Variants in ARHGAP35 observed in about 807,000 individuals in gnomAD.
ARHGAP35 encodes rho GTPase-activating protein 35.
In ARHGAP35, 15 loss-of-function variants were observed where a neutral mutation model predicts 111.1. That is an observed-to-expected ratio of 0.13 (90% CI 0.09 to 0.21). The LOEUF (loss-of-function observed/expected upper bound fraction) is 0.21, where lower values mean the gene tolerates loss of function less well. ARHGAP35 is among the 10% of genes least tolerant of loss of function. ARHGAP35 has a pLI of 1.00. For missense variants in ARHGAP35, 1,262 were observed against 1,873.0 expected, an observed-to-expected ratio of 0.67 and a Z score of 6.02; for synonymous variants, 643 against 710.3, an observed-to-expected ratio of 0.91 and a Z score of 1.51.
intron 3 of ARHGAP35, chr19:46,948,602 G>A (rs1184889331): frequency 6.6e-6 from 1 of 152,192 alleles, no homozygotes. Context: ...GAATAAGTAC[G>A]CTGTGTGTAA....
intron 1 of ARHGAP35, among the ~76,000 whole-genome samples, chr19:46,907,959 TG>T (rs1303783782): frequency 6.6e-6 from 1 of 152,224 alleles, no homozygotes; most frequent in Admixed American, 6.5e-5. Flanking sequence ...AATAATGAGC[TG>T]AAATCCTCAT....
At chr19:46,882,254 C>G (rs571398295) in intron 1 of ARHGAP35, among the ~76,000 whole-genome samples, 5 of 151,606 alleles carry the variant, frequency 3.3e-5, no homozygotes, top group African/African-American at 7.3e-5. Context: ...CCACCTCAAC[C>G]CCCCCAGGTT....
chr19:46,865,768 C>T (rs1599788221), intron 1 of ARHGAP35, among the ~76,000 whole-genome samples: 1 of 152,302 alleles, frequency 6.6e-6, no homozygotes, highest in South Asian at 2.1e-4. Context: ...CCGCTTGCAG[C>T]GTCTTCCTGT....
At position 47,001,297 on chromosome 19, in the gene ARHGAP35, G is replaced by A; in HGVS notation, c.*609G>A. 2.3e-6 allele frequency: 3 copies of A among 1,290,488 alleles called. No homozygotes were observed. Among genetic ancestry groups the A allele is most frequent in the Non-Finnish European group, 3.0e-6 (3 of 989,376 alleles). The allele number at this position is 1,290,488 out of a possible 1,614,324, so 79.9% of individuals were successfully genotyped here. On this transcript the variant is annotated 3_prime_UTR_variant, in exon 7 of 7. Transcript: ENST00000672722. This position sits in a 1 kb window ranked among gnomAD's most constrained non-coding sequence, Gnocchi z 5.4. ...AGCTTTGTGCCTGGACCCAGAGAGT[G>A]TGGGACTCCCCGCTTCATCCCCACC...
intron 1 of ARHGAP35, among the ~76,000 whole-genome samples, chr19:46,864,556 T>C (rs1049559810): frequency 6.6e-6 from 1 of 152,230 alleles, no homozygotes; most frequent in Non-Finnish European, 1.5e-5. Context: ...ACATTTGAAA[T>C]AAAAACATTC....
At chr19:46,937,523 T>C (rs2056316584) in intron 3 of ARHGAP35, 115 bp downstream of exon 3, 1 of 1,221,518 alleles carries the variant, frequency 8.2e-7, no homozygotes, top group Non-Finnish European at 1.2e-6. Context: ...GAGATGCTCT[T>C]GGAGAAGGAG....
At chr19:46,898,268 C>T (rs1400864463) in intron 1 of ARHGAP35, among the ~76,000 whole-genome samples, 2 of 150,688 alleles carry the variant, frequency 1.3e-5, no homozygotes, top group African/African-American at 4.9e-5. Context: ...AAAAGAAGTG[C>T]CCTCTGTGTG....
At chr19:46,864,174 T>A (rs1328764055) in intron 1 of ARHGAP35, among the ~76,000 whole-genome samples, 2 of 152,200 alleles carry the variant, frequency 1.3e-5, no homozygotes, top group Non-Finnish European at 2.9e-5. Flanking sequence ...GCGGATGTGA[T>A]TGGATTTTTA....
At position 46,989,366 on chromosome 19, in the gene ARHGAP35, A is replaced by G. The variant is rs543906360; in HGVS notation, c.3905-178A>G. The G allele has an allele frequency of 6.9e-6, 5 of 724,928 alleles. 1 individual carries two copies. The South Asian group carries it at 9.3e-5, about 13-fold the overall frequency. 44.9% of individuals were successfully genotyped at this position (724,928 alleles called of 1,614,324 possible). On this transcript the variant is annotated intron_variant, in intron 4 of 6. Coordinates refer to ENST00000672722, the MANE Select transcript of ARHGAP35 (RefSeq NM_004491.5). This position sits in a 1 kb window ranked among gnomAD's most constrained non-coding sequence, Gnocchi z 5.3. The stretch of plus-strand genomic sequence containing the variant: ...CGGAAAGAGGTGCTGGGGCCAGCCC[A>G]TGCCTGAACCTCAGAACTCGCGTTA...
Position 46,994,601 on chromosome 19 carries a change from G to A in ARHGAP35, c.4037-4703G>A, listed in dbSNP as rs903305154. On this transcript the variant is annotated intron_variant, in intron 5 of 6. Coordinates refer to ENST00000672722, the MANE Select transcript of ARHGAP35 (RefSeq NM_004491.5). This position sits in a 1 kb window ranked among gnomAD's most constrained non-coding sequence, Gnocchi z 5.4. ...CGTGAACTCGCCGGGGATGAGGATG[G>A]TGGTCAGGAGGGGAAACAGAGGCAG... Among the ~76,000 whole-genome samples, 5 of 152,164 alleles carry A rather than the reference G, an allele frequency of 3.3e-5. No homozygotes were observed. Among genetic ancestry groups the A allele is most frequent in the African/African-American group, 1.2e-4 (5 of 41,434 alleles).
chr19:46,939,611 C>T (rs1018239486), intron 3 of ARHGAP35, among the ~76,000 whole-genome samples: 1 of 151,220 alleles, frequency 6.6e-6, no homozygotes, highest in Non-Finnish European at 1.5e-5. Context: ...TGGAGTTTCA[C>T]CATGTTGGCC....
Position 46,945,802 on chromosome 19 carries a change from G to A in ARHGAP35, c.3826+8394G>A, listed in dbSNP as rs974402545. ...TGAATAATATGTGAGGCCAGACTTC[G>A]TTCCCTGTTTCTGTGATTTTTAACC... On this transcript the variant is annotated intron_variant, in intron 3 of 6. Coordinates refer to ENST00000672722, the MANE Select transcript of ARHGAP35 (RefSeq NM_004491.5). This position sits in a 1 kb window ranked among gnomAD's most constrained non-coding sequence, Gnocchi z 4.1. Among the ~76,000 whole-genome samples, 3 of 152,254 alleles carry A rather than the reference G, an allele frequency of 2.0e-5. No individual in the cohort carries two copies. Among genetic ancestry groups the A allele is most frequent in the African/African-American group, 4.8e-5 (2 of 41,542 alleles).
chr19:46,996,613 G>T (rs1388140609), intron 5 of ARHGAP35, among the ~76,000 whole-genome samples: 1 of 152,170 alleles, frequency 6.6e-6, no homozygotes, highest in African/African-American at 2.4e-5. Flanking sequence ...ACCACTCGAT[G>T]CCTAATTAAG....
intron 3 of ARHGAP35, among the ~76,000 whole-genome samples, chr19:46,973,065 T>TA (rs1042394355): frequency 1.3e-5 from 2 of 152,224 alleles, no homozygotes; most frequent in African/African-American, 4.8e-5. Flanking sequence ...TTTTCTTTTT[T>TA]AAAAAAATTG....
chr19:46,889,813 C>T (rs1352282513), intron 1 of ARHGAP35, among the ~76,000 whole-genome samples: 2 of 147,970 alleles, frequency 1.4e-5, no homozygotes, highest in Non-Finnish European at 1.5e-5. Flanking sequence ...ATTACAAGTA[C>T]TAAAGCCATT....
chr19:46,905,776 C>T (rs1369273726), intron 1 of ARHGAP35, among the ~76,000 whole-genome samples: 1 of 151,460 alleles, frequency 6.6e-6, no homozygotes, highest in Non-Finnish European at 1.5e-5. Context: ...GTTCTTGAAC[C>T]CCTAACCTCA....
intron 1 of ARHGAP35, among the ~76,000 whole-genome samples, chr19:46,876,650 C>T (rs1053060597): frequency 4.0e-5 from 6 of 150,938 alleles, no homozygotes; most frequent in Admixed American, 3.3e-4. Context: ...GGATTACAGG[C>T]GTGAGCCACC....
chr19:46,880,446 A>G (rs1052605819), intron 1 of ARHGAP35, among the ~76,000 whole-genome samples: 23 of 152,256 alleles, frequency 1.5e-4, no homozygotes, highest in Admixed American at 1.2e-3. Context: ...AAAAGAAGCA[A>G]TTCCTCATCT....
At chr19:46,883,517 G>A (rs1365478917) in intron 1 of ARHGAP35, among the ~76,000 whole-genome samples, 1 of 152,088 alleles carries the variant, frequency 6.6e-6, no homozygotes, top group African/African-American at 2.4e-5. Flanking sequence ...AGTTTATGGT[G>A]CCCCAAATCA....
Sources: allele counts gnomAD v4.1 joint callset (sites outside exome capture counted in the v4.1 genomes callset), GRCh38; gene constraint gnomAD v4.1.1; non-coding constraint Gnocchi (gnomAD v3.1); transcripts MANE v1.5; gene names NCBI Gene and HGNC (gene_info 2026-07-23, HGNC 2026-07-21).